Variants in TXNRD1 observed in about 807,000 individuals in gnomAD.
TXNRD1 encodes thioredoxin reductase 1, also known as thioredoxin reductase 1, cytoplasmic.
In TXNRD1, 57 loss-of-function variants were observed where a neutral mutation model predicts 80.3. The ratio of observed to expected loss-of-function variants is 0.71; its 90% CI spans 0.57 to 0.89. The LOEUF is 0.89. Among genes scored for constraint, TXNRD1 ranks in the 40% least tolerant of loss-of-function variants. The pLI, the probability that TXNRD1 is intolerant of heterozygous loss-of-function variation, is 0.00. For missense variants in TXNRD1, 730 were observed against 803.0 expected, an observed-to-expected ratio of 0.91 and a Z score of 1.10; for synonymous variants, 291 against 285.2, an observed-to-expected ratio of 1.02 and a Z score of -0.20.
chr12:104,297,418 G>C (rs1160090294), intron 4 of TXNRD1, among the ~76,000 whole-genome samples: 1 of 151,806 alleles, frequency 6.6e-6, no homozygotes, highest in Non-Finnish European at 1.5e-5. Context: ...CCAGGCTGGA[G>C]TGCACTGTGT....
chr12:104,253,473 T>C (rs2033175271), intron 2 of TXNRD1, among the ~76,000 whole-genome samples: 1 of 152,152 alleles, frequency 6.6e-6, no homozygotes, highest in African/African-American at 2.4e-5. Flanking sequence ...TAACCCATGC[T>C]AAATTCTACA....
chr12:104,261,226 C>T (rs1055600617), intron 3 of TXNRD1, among the ~76,000 whole-genome samples: 4 of 151,706 alleles, frequency 2.6e-5, no homozygotes, highest in East Asian at 3.9e-4. Flanking sequence ...TGCGATGGCA[C>T]GATCTGGGCT....
chr12:104,268,381 C>T (rs551734807), intron 3 of TXNRD1, among the ~76,000 whole-genome samples: 117 of 151,180 alleles, frequency 7.7e-4, no homozygotes, highest in African/African-American at 2.8e-3. Context: ...CCATATTAGC[C>T]GGGCATGGTG....
At chr12:104,299,751 G>C (rs1444628127) in intron 4 of TXNRD1, among the ~76,000 whole-genome samples, 1 of 101,622 alleles carries the variant, frequency 9.8e-6, no homozygotes, top group East Asian at 2.7e-4. Flanking sequence ...TGGGTGACAA[G>C]AACAAGACTC....
chr12:104,291,609 G>A (rs746266988), intron 4 of TXNRD1, among the ~76,000 whole-genome samples: 1 of 149,974 alleles, frequency 6.7e-6, no homozygotes, highest in East Asian at 2.0e-4. Context: ...TCAGCCTCCC[G>A]AGTAGCTGGG....
chr12:104,347,251 C>A (rs901400863), intron 16 of TXNRD1, among the ~76,000 whole-genome samples: 5 of 151,646 alleles, frequency 3.3e-5, no homozygotes, highest in African/African-American at 1.2e-4. Flanking sequence ...AAGATACTGG[C>A]CATTAGTATT....
At chr12:104,266,955 C>A (rs1434319629) in intron 3 of TXNRD1, among the ~76,000 whole-genome samples, 2 of 151,406 alleles carry the variant, frequency 1.3e-5, no homozygotes, top group Non-Finnish European at 2.9e-5. Context: ...GAGCGAGACT[C>A]CGTCTCAAAA....
chr12:104,285,191 C>T (rs775779808), intron 3 of TXNRD1, among the ~76,000 whole-genome samples: 4 of 151,962 alleles, frequency 2.6e-5, no homozygotes, highest in African/African-American at 9.7e-5. Context: ...AACAAACAAA[C>T]AAATAAATAA....
intron 3 of TXNRD1, chr12:104,265,280 C>T (rs1397771013): frequency 3.3e-6 from 5 of 1,536,022 alleles, no homozygotes; most frequent in African/African-American, 1.4e-5. Context: ...CTTCCTTTTG[C>T]GGGTGGCGGC....
Position 104,315,770 on chromosome 12 carries a change from G to A in TXNRD1, c.611-7G>A, listed in dbSNP as rs373328331. ...GGTTATAAACTGATTTCTCAATGTT[G>A]TTGTAGGTCTCGGAGGAACATGTGT... On this transcript the variant is annotated splice_polypyrimidine_tract_variant and splice_region_variant and intron_variant, in intron 6 of 16. Coordinates refer to ENST00000525566, the MANE Select transcript of TXNRD1 (RefSeq NM_001093771.3). The A allele has an allele frequency of 3.4e-5, 55 of 1,609,720 alleles. No individual in the cohort carries two copies. In the African/African-American group the frequency reaches 5.8e-4, roughly 17 times the overall value.
At chr12:104,328,187 A>G (rs2035831475) in intron 13 of TXNRD1, among the ~76,000 whole-genome samples, 1 of 151,898 alleles carries the variant, frequency 6.6e-6, no homozygotes, top group Non-Finnish European at 1.5e-5. Context: ...AAAAAAAAAA[A>G]AAAGAAAATT....
chr12:104,215,820 C>G lies in TXNRD1; in HGVS notation c.18C>G (p.Gly6=). 6.4e-7 allele frequency: 1 copy of G among 1,564,032 alleles called. No individual in the cohort carries two copies. Among genetic ancestry groups the G allele is most frequent in the Non-Finnish European group, 8.7e-7 (1 of 1,154,934 alleles). Residue 6 remains glycine, a synonymous_variant, in exon 1 of 17, where the codon GGC becomes GGG. Transcript: ENST00000525566. MGCAE[G]KAVAAAAPTE... ...TGTGCGACATGGGCTGCGCCGAGGG[C>G]AAGGCAGTGGCGGCGGCCGCCCCAA...
chr12:104,242,123 G>A (rs1205396785), intron 1 of TXNRD1, among the ~76,000 whole-genome samples: 1 of 150,908 alleles, frequency 6.6e-6, no homozygotes, highest in Non-Finnish European at 1.5e-5. Context: ...ATTTTTAGTA[G>A]AGATGGGGTT....
intron 1 of TXNRD1, among the ~76,000 whole-genome samples, chr12:104,225,911 G>C (rs4321026): frequency 6.6e-6 from 1 of 151,512 alleles, no homozygotes; most frequent in South Asian, 2.1e-4. Flanking sequence ...ATAGAAAAAG[G>C]AGCTTATGCC....
rs185046033 is a variant in TXNRD1, at chr12:104,244,914, A to G, written c.92-6613A>G. Among the ~76,000 whole-genome samples, 243 of 152,320 alleles carry G rather than the reference A, an allele frequency of 1.6e-3. 1 individual carries two copies. Among genetic ancestry groups the G allele is most frequent in the African/African-American group, 5.4e-3 (225 of 41,582 alleles). ...AGAGAGAAAAGCTGTGGCAAGGTAT[A>G]ACTTTGTCCCTGTATCTAGAAAGGT... On this transcript the variant is annotated intron_variant, in intron 1 of 16. Transcript: ENST00000525566.
intron 10 of TXNRD1, among the ~76,000 whole-genome samples, chr12:104,323,793 G>T (rs2035648818): frequency 7.6e-6 from 1 of 131,912 alleles, no homozygotes; most frequent in African/African-American, 2.7e-5. Flanking sequence ...GGGGCGGCTG[G>T]CCGGGCGGGG....
intron 3 of TXNRD1, among the ~76,000 whole-genome samples, chr12:104,280,061 T>TTAAAAAAAA (rs1593744566): frequency 7.2e-5 from 1 of 13,848 alleles, no homozygotes; most frequent in Non-Finnish European, 1.5e-4. Flanking sequence ...AGACTCTGTC[T>TTAAAAAAAA]CAAAAAAAAA....
At chr12:104,346,014 A>G (rs1357293875) in intron 16 of TXNRD1, 54 of 1,287,182 alleles carry the variant, frequency 4.2e-5, no homozygotes, top group Non-Finnish European at 5.0e-5. Context: ...AATTGACCCA[A>G]GCAGTTTTTT....
At chr12:104,245,183 AT>A (rs113947040) in intron 1 of TXNRD1, among the ~76,000 whole-genome samples, 24 of 148,932 alleles carry the variant, frequency 1.6e-4, no homozygotes, top group Admixed American at 4.7e-4. Flanking sequence ...ATTATTTTAG[AT>A]TTTTTTTTTT....
Sources: allele counts gnomAD v4.1 joint callset (sites outside exome capture counted in the v4.1 genomes callset), GRCh38; gene constraint gnomAD v4.1.1; transcripts MANE v1.5; gene names NCBI Gene and HGNC (gene_info 2026-07-23, HGNC 2026-07-21).